GRM1: variants seen among roughly 807,000 people sequenced by gnomAD.
GRM1 encodes the protein metabotropic glutamate receptor 1.
GRM1 carries 33 observed loss-of-function variants against 90.9 expected under a neutral mutation model. The observed-to-expected ratio is 0.36, with a 90% CI of 0.28 to 0.49. The LOEUF (loss-of-function observed/expected upper bound fraction) is 0.49, where lower values mean the gene tolerates loss of function less well. Ranked by LOEUF, GRM1 falls within the 20% of genes least tolerant of loss-of-function variation. The probability of loss-of-function intolerance (pLI) is 0.99; values close to 1 mark genes in which losing one functional copy is unlikely to be tolerated. For missense variants in GRM1, 1,190 were observed against 1,534.3 expected, an observed-to-expected ratio of 0.78 and a Z score of 3.75; for synonymous variants, 700 against 613.2, an observed-to-expected ratio of 1.14 and a Z score of -2.09.
intron 1 of GRM1, among the ~76,000 whole-genome samples, chr6:146,055,719 A>T (rs984061101): frequency 6.6e-6 from 1 of 152,142 alleles, no homozygotes; most frequent in African/African-American, 2.4e-5. Flanking sequence ...GTTGGGTAAT[A>T]TGTGGTTTTA....
chr6:146,236,372 T>C (rs991840478), intron 2 of GRM1, among the ~76,000 whole-genome samples: 3 of 152,154 alleles, frequency 2.0e-5, no homozygotes, highest in African/African-American at 7.2e-5. Context: ...CTCAATGGTT[T>C]TTCCACCATC....
At chr6:146,097,880 T>G (rs1231501943) in intron 1 of GRM1, among the ~76,000 whole-genome samples, 1 of 152,244 alleles carries the variant, frequency 6.6e-6, no homozygotes, top group Admixed American at 6.5e-5. Flanking sequence ...CCTCTATTTA[T>G]TGCTTATACC....
At chr6:146,186,939 A>T (rs1183749438) in intron 2 of GRM1, among the ~76,000 whole-genome samples, 1 of 152,212 alleles carries the variant, frequency 6.6e-6, no homozygotes, top group Non-Finnish European at 1.5e-5. Context: ...AGGGAACTTT[A>T]AAGGTCTCTA....
intron 1 of GRM1, among the ~76,000 whole-genome samples, chr6:146,107,798 G>A (rs1418557660): frequency 1.3e-5 from 2 of 152,128 alleles, no homozygotes; most frequent in Non-Finnish European, 2.9e-5. Context: ...GGGATTATCT[G>A]AGAGGCCACT....
intron 1 of GRM1, among the ~76,000 whole-genome samples, chr6:146,144,044 G>A (rs563945054): frequency 3.3e-5 from 5 of 152,180 alleles, no homozygotes; most frequent in Non-Finnish European, 7.3e-5. Flanking sequence ...AGACTAGGAG[G>A]CTTAAACCAT....
At chr6:146,052,225 A>G (rs1009471014) in intron 1 of GRM1, among the ~76,000 whole-genome samples, 1 of 152,016 alleles carries the variant, frequency 6.6e-6, no homozygotes, top group Non-Finnish European at 1.5e-5. Context: ...TTTCCTCAAT[A>G]TTATATTTAC....
intron 5 of GRM1, among the ~76,000 whole-genome samples, chr6:146,385,951 G>A (rs994851441): frequency 2.6e-5 from 4 of 151,848 alleles, no homozygotes; most frequent in Non-Finnish European, 4.4e-5. Flanking sequence ...TAACTAGTAA[G>A]CCACTATGCA....
At chr6:146,171,647 C>A in intron 2 of GRM1, 1 of 264,720 alleles carries the variant, frequency 3.8e-6, no homozygotes, top group South Asian at 5.7e-5. Context: ...GCTTGCAAGT[C>A]ATACTGAGTA....
At chr6:146,432,839 AG>A (rs1778463185) in intron 7 of GRM1, among the ~76,000 whole-genome samples, 1 of 152,222 alleles carries the variant, frequency 6.6e-6, no homozygotes, top group African/African-American at 2.4e-5. Flanking sequence ...TTTGGGGTGT[AG>A]GCCACAGTAC....
intron 7 of GRM1, among the ~76,000 whole-genome samples, chr6:146,418,788 C>T (rs979802740): frequency 7.9e-5 from 12 of 152,070 alleles, no homozygotes; most frequent in African/African-American, 2.7e-4. Flanking sequence ...AGTAGAGTGG[C>T]CATATGTCTT....
At chr6:146,108,217 GTTCT>G (rs1775402441) in intron 1 of GRM1, among the ~76,000 whole-genome samples, 1 of 152,138 alleles carries the variant, frequency 6.6e-6, no homozygotes, top group African/African-American at 2.4e-5. Flanking sequence ...AGAACACAGT[GTTCT>G]TCCATTATCT....
intron 1 of GRM1, among the ~76,000 whole-genome samples, chr6:146,036,793 GA>G (rs1206578853): frequency 6.6e-6 from 1 of 151,822 alleles, no homozygotes; most frequent in East Asian, 1.9e-4. Flanking sequence ...TTGATAGGCA[GA>G]AATTCTTTGA....
chr6:146,325,850 C>A (rs1430437660), intron 3 of GRM1, among the ~76,000 whole-genome samples: 2 of 152,006 alleles, frequency 1.3e-5, no homozygotes, highest in Non-Finnish European at 2.9e-5. Context: ...GTCAGAGTGC[C>A]TTTTCTTGAA....
intron 2 of GRM1, among the ~76,000 whole-genome samples, chr6:146,300,546 T>C (rs1398832085): frequency 6.6e-6 from 1 of 152,234 alleles, no homozygotes; most frequent in South Asian, 2.1e-4. Flanking sequence ...AATTCTCGTA[T>C]GTTAGTGAGA....
At chr6:146,243,818 C>T (rs534071174) in intron 2 of GRM1, among the ~76,000 whole-genome samples, 30 of 152,168 alleles carry the variant, frequency 2.0e-4, no homozygotes, top group East Asian at 3.9e-4. Context: ...GGGAGCACTA[C>T]GGGAGACTGG....
At chr6:146,058,955 T>A (rs1775574667) in intron 1 of GRM1, among the ~76,000 whole-genome samples, 4 of 152,144 alleles carry the variant, frequency 2.6e-5, no homozygotes, top group Admixed American at 2.6e-4. Flanking sequence ...TTCCAACACA[T>A]CCGCAGTGAC....
chr6:146,179,552 C>T (rs1245445397), intron 2 of GRM1, among the ~76,000 whole-genome samples: 3 of 152,172 alleles, frequency 2.0e-5, no homozygotes, highest in African/African-American at 4.8e-5. Context: ...TTCGCTTTGT[C>T]GCCCAGGCGG....
rs770055272 is a variant in GRM1, at chr6:146,159,602, G to GTT, written c.950+7_950+8dup. On this transcript the variant is annotated splice_donor_region_variant and intron_variant, in intron 2 of 7. Transcript: ENST00000282753. ...CGAGTTCTCACTCATTGGAAGGTAAGTTTCTCTCTCTCTCTCTCTCTCTCT... is the reference window on the plus strand; with the variant it reads ...CGAGTTCTCACTCATTGGAAGGTAAGTTTTTCTCTCTCTCTCTCTCTCTCTCT... 1 of 1,526,488 alleles carries GTT rather than the reference G, an allele frequency of 6.6e-7. No homozygotes were observed. Among genetic ancestry groups the GTT allele is most frequent in the Non-Finnish European group, 8.9e-7 (1 of 1,121,624 alleles). 94.6% of individuals were successfully genotyped at this position (1,526,488 alleles called of 1,614,324 possible).
At position 146,134,993 on chromosome 6, in the gene GRM1, C is replaced by T. The variant is rs374241511; in HGVS notation, c.701-24355C>T. Among the ~76,000 whole-genome samples the T allele has an allele frequency of 9.2e-5, 14 of 152,256 alleles. 1 individual carries two copies. The highest frequency in any genetic ancestry group is 3.4e-4 in the African/African-American group (14 of 41,562). ...GGGGACCACCCCCATAGTCTAATCA[C>T]CTCCCACGAGGTCCCTCCCTCAACA... On this transcript the variant is annotated intron_variant, in intron 1 of 7. Transcript: ENST00000282753.
Sources: allele counts gnomAD v4.1 joint callset (sites outside exome capture counted in the v4.1 genomes callset), GRCh38; gene constraint gnomAD v4.1.1; transcripts MANE v1.5; gene names NCBI Gene and HGNC (gene_info 2026-07-23, HGNC 2026-07-21).